RNF130: variants seen among roughly 807,000 people sequenced by gnomAD.
RNF130 encodes the protein ring finger protein 130, also known as E3 ubiquitin-protein ligase RNF130.
Under a neutral mutation model 44.6 loss-of-function variants are expected in RNF130, and 21 were observed. The observed-to-expected ratio is 0.47, with a 90% CI of 0.33 to 0.68. RNF130 has a LOEUF of 0.68. Ranked by LOEUF, RNF130 falls within the 30% of genes least tolerant of loss-of-function variation. The probability of loss-of-function intolerance (pLI) is 0.02; values close to 1 mark genes in which losing one functional copy is unlikely to be tolerated. For missense variants in RNF130, 479 were observed against 560.6 expected, an observed-to-expected ratio of 0.85 and a Z score of 1.47; for synonymous variants, 214 against 210.4, an observed-to-expected ratio of 1.02 and a Z score of -0.15.
intron 7 of RNF130, among the ~76,000 whole-genome samples, chr5:179,944,117 G>A (rs1489084057): frequency 5.3e-5 from 8 of 151,668 alleles, no homozygotes; most frequent in African/African-American, 1.9e-4. Context: ...GACTACAGGT[G>A]CCTGCCACCA....
At chr5:179,970,299 G>A in intron 6 of RNF130, 111 bp downstream of exon 6, 2 of 741,458 alleles carry the variant, frequency 2.7e-6, no homozygotes, top group South Asian at 5.4e-5. Flanking sequence ...TATAGCCAGT[G>A]TTTTCTTCTG....
intron 3 of RNF130, among the ~76,000 whole-genome samples, chr5:179,987,766 T>C (rs549285541): frequency 1.3e-5 from 2 of 152,354 alleles, no homozygotes; most frequent in African/African-American, 4.8e-5. Context: ...TGAAACATCA[T>C]GACTATTGAC....
chr5:179,952,488 T>C (rs1179125614), downstream of RNF130, among the ~76,000 whole-genome samples: 2 of 152,208 alleles, frequency 1.3e-5, no homozygotes, highest in African/African-American at 4.8e-5. Context: ...GAACACTTCA[T>C]AATTGTTTAT....
At chr5:179,980,285 G>T in intron 3 of RNF130, 85 bp from the exon 4 acceptor site, 1 of 1,291,050 alleles carries the variant, frequency 7.7e-7, no homozygotes, top group Non-Finnish European at 1.1e-6. Flanking sequence ...AAAGTATAAA[G>T]TCTCTATTTT....
At chr5:179,984,756 G>A (rs1462239219) in intron 3 of RNF130, among the ~76,000 whole-genome samples, 1 of 152,174 alleles carries the variant, frequency 6.6e-6, no homozygotes, top group Non-Finnish European at 1.5e-5. Context: ...GCCATACAAT[G>A]AAATTGGAGG....
chr5:180,036,756 CA>C (rs35911906), intron 2 of RNF130, among the ~76,000 whole-genome samples: 19,259 of 152,190 alleles, frequency 0.13, 1,393 homozygotes, highest in East Asian at 0.27. Flanking sequence ...AAATATTTCA[CA>C]AAGTTTTTCT....
chr5:179,959,540 T>A (rs1475308040), intron 8 of RNF130, among the ~76,000 whole-genome samples: 2 of 151,954 alleles, frequency 1.3e-5, no homozygotes, highest in African/African-American at 2.4e-5. Context: ...AGGCAGATAA[T>A]TTCTTGAACC....
At chr5:180,024,106 A>T (rs1763935432) in intron 2 of RNF130, among the ~76,000 whole-genome samples, 1 of 152,218 alleles carries the variant, frequency 6.6e-6, no homozygotes, top group African/African-American at 2.4e-5. Flanking sequence ...ACATTCTACA[A>T]CATGCTGGGC....
intron 7 of RNF130, among the ~76,000 whole-genome samples, chr5:179,947,722 A>G (rs1260852220): frequency 6.6e-6 from 1 of 152,222 alleles, no homozygotes; most frequent in Non-Finnish European, 1.5e-5. Flanking sequence ...TGTGTTAGCT[A>G]TTATTATTGT....
At chr5:180,013,974 G>A (rs1763655856) in intron 2 of RNF130, among the ~76,000 whole-genome samples, 1 of 152,194 alleles carries the variant, frequency 6.6e-6, no homozygotes, top group South Asian at 2.1e-4. Context: ...CTTATGTCCA[G>A]ACTTGAGTGG....
intron 3 of RNF130, among the ~76,000 whole-genome samples, chr5:179,990,535 G>A (rs573441350): frequency 5.4e-4 from 83 of 152,296 alleles, no homozygotes; most frequent in Middle Eastern, 3.4e-3. Flanking sequence ...GACATCAGTC[G>A]GGCCTTCCAC....
intron 2 of RNF130, among the ~76,000 whole-genome samples, chr5:180,035,923 C>G (rs1309402426): frequency 6.6e-6 from 1 of 152,106 alleles, no homozygotes; most frequent in Non-Finnish European, 1.5e-5. Context: ...TCATTATTGT[C>G]ATACTTTATT....
chr5:180,067,445 A>G (rs565854551), intron 1 of RNF130, among the ~76,000 whole-genome samples: 1 of 152,304 alleles, frequency 6.6e-6, no homozygotes, highest in East Asian at 1.9e-4. Flanking sequence ...AGAGGCAGTA[A>G]ATGTAGATAA....
chr5:179,952,921 G>C (rs978720992), downstream of RNF130, among the ~76,000 whole-genome samples: 1 of 152,030 alleles, frequency 6.6e-6, no homozygotes, highest in Non-Finnish European at 1.5e-5. Context: ...TTTTCCCTAC[G>C]AGATCACAAC....
intron 1 of RNF130, among the ~76,000 whole-genome samples, chr5:180,048,217 C>T (rs1327367195): frequency 6.6e-6 from 1 of 152,094 alleles, no homozygotes; most frequent in African/African-American, 2.4e-5. Flanking sequence ...AAAACCTCTG[C>T]CTTGATGAGT....
intron 3 of RNF130, among the ~76,000 whole-genome samples, chr5:179,986,414 T>C (rs1054526327): frequency 1.3e-5 from 2 of 152,236 alleles, no homozygotes; most frequent in Non-Finnish European, 2.9e-5. Flanking sequence ...TGGCACTTCA[T>C]ACAGGTCCCA....
chr5:179,921,473 C>T (rs1373318448), intron 7 of RNF130, among the ~76,000 whole-genome samples: 1 of 152,216 alleles, frequency 6.6e-6, no homozygotes, highest in Non-Finnish European at 1.5e-5. Context: ...ACTGCAAAAA[C>T]TGAACTTTTT....
chr5:180,012,878 C>T (rs1295411317), intron 3 of RNF130, among the ~76,000 whole-genome samples, 183 bp downstream of exon 3: 2 of 152,114 alleles, frequency 1.3e-5, no homozygotes, highest in Non-Finnish European at 2.9e-5. Context: ...AAATTTAGTA[C>T]CTTTTAGGTT....
chr5:179,952,019 T>G (rs887748617), downstream of RNF130, among the ~76,000 whole-genome samples: 13 of 151,556 alleles, frequency 8.6e-5, no homozygotes, highest in Admixed American at 6.6e-4. Context: ...CTAAACCAAG[T>G]AGAAGAAATA....
Sources: gnomAD v4.1 joint callset for allele counts (sites outside exome capture counted in the v4.1 genomes callset) on GRCh38, gnomAD v4.1.1 for gene constraint, MANE v1.5 for transcripts, NCBI Gene and HGNC (gene_info 2026-07-23, HGNC 2026-07-21) for gene names.